Variants in SAXO5 observed in about 807,000 individuals in gnomAD.
The protein encoded by SAXO5 is stabilizer of axonemal microtubules 5.
At chr19:7,504,456 C>T in the SAXO5 span, 3 of 1,520,396 alleles carry the variant, frequency 2.0e-6, no homozygotes, top group Non-Finnish European at 1.8e-6. Context: ...GCCTGTAATC[C>T]CAGCACTTTG....
chr19:7,508,235 G>T, the SAXO5 span: 1 of 1,614,012 alleles, frequency 6.2e-7, no homozygotes, highest in South Asian at 1.1e-5. Flanking sequence ...AGCCCCCTCT[G>T]GGTGGACTGC....
the SAXO5 span, chr19:7,506,269 CACG>C: frequency 2.0e-6 from 2 of 1,024,422 alleles, no homozygotes; most frequent in Non-Finnish European, 2.9e-6. Flanking sequence ...GCCCCGCCCC[CACG>C]GAGCCCCGTC....
the SAXO5 span, chr19:7,505,281 C>A: frequency 6.3e-7 from 1 of 1,592,464 alleles, no homozygotes; most frequent in African/African-American, 1.3e-5. Flanking sequence ...CCATGCCCAG[C>A]CCACTTTACC....
chr19:7,501,282 C>A, the SAXO5 span: 3 of 1,573,926 alleles, frequency 1.9e-6, no homozygotes, highest in Non-Finnish European at 2.6e-6. Context: ...CATCTTCGAC[C>A]GCGACTCCCT....
At chr19:7,500,302 G>T in the SAXO5 span, among the ~76,000 whole-genome samples, 9 of 151,214 alleles carry the variant, frequency 6.0e-5, no homozygotes, top group East Asian at 1.2e-3. Context: ...CCACATGAAA[G>T]ATTTTTTTTT....
the SAXO5 span, chr19:7,506,877 T>A: frequency 2.1e-6 from 1 of 466,532 alleles, no homozygotes; most frequent in Non-Finnish European, 4.0e-6. Flanking sequence ...CCCCTTCCTC[T>A]GGCTTCTCCC....
the SAXO5 span, among the ~76,000 whole-genome samples, chr19:7,500,119 A>AT: frequency 2.0e-5 from 3 of 151,904 alleles, no homozygotes; most frequent in Non-Finnish European, 4.4e-5. Flanking sequence ...TTGTTGTTAT[A>AT]TTTTTTATTA....
chr19:7,504,079 A>ACTCTCTCTCT, the SAXO5 span: 1 of 830,430 alleles, frequency 1.2e-6, no homozygotes, highest in Non-Finnish European at 1.7e-6. Flanking sequence ...AGGGAATCTC[A>ACTCTCTCTCT]ATCTCTCTCT....
the SAXO5 span, chr19:7,506,023 T>A: frequency 6.2e-7 from 1 of 1,612,262 alleles, no homozygotes; most frequent in Non-Finnish European, 8.5e-7. Flanking sequence ...TGCAGAGTCA[T>A]GTGACCCTAG....
the SAXO5 span, chr19:7,500,716 CA>C: frequency 1.8e-6 from 2 of 1,107,972 alleles, no homozygotes; most frequent in South Asian, 3.7e-5. Context: ...AGAAAGGAGT[CA>C]AAGGCAGCAG....
At chr19:7,508,259 A>G in the SAXO5 span, 1 of 1,614,028 alleles carries the variant, frequency 6.2e-7, no homozygotes, top group Non-Finnish European at 8.5e-7. Context: ...TCTTCTCAAC[A>G]CAATACAAGG....
At chr19:7,498,170 T>TACAC in the SAXO5 span, among the ~76,000 whole-genome samples, 7,025 of 142,458 alleles carry the variant, frequency 0.049, 251 homozygotes, top group African/African-American at 0.099. Context: ...CACACACACA[T>TACAC]ACACACACAC....
the SAXO5 span, among the ~76,000 whole-genome samples, chr19:7,502,447 C>T: frequency 3.3e-5 from 5 of 152,176 alleles, no homozygotes; most frequent in African/African-American, 9.7e-5. Flanking sequence ...GGCAGAGGTG[C>T]TACCAGCAGA....
chr19:7,501,354 C>A, the SAXO5 span: 7 of 1,534,760 alleles, frequency 4.6e-6, no homozygotes, highest in South Asian at 6.1e-5. Context: ...GCTCTTTCCA[C>A]CCCACGACGC....
At chr19:7,505,225 C>A in the SAXO5 span, 1 of 1,135,424 alleles carries the variant, frequency 8.8e-7, no homozygotes, top group Non-Finnish European at 1.3e-6. Flanking sequence ...TCAGGTGATC[C>A]ACCCACCTCA....
chr19:7,501,514 C>A, the SAXO5 span: 1 of 1,240,590 alleles, frequency 8.1e-7, no homozygotes, highest in Non-Finnish European at 1.0e-6. Flanking sequence ...TCTGGAAACG[C>A]TTTTGGTGGT....
At chr19:7,501,542 C>G in the SAXO5 span, 2 of 1,020,994 alleles carry the variant, frequency 2.0e-6, no homozygotes, top group Admixed American at 4.1e-5. Flanking sequence ...TGGGGGGTGG[C>G]CGGGCGCGGT....
the SAXO5 span, chr19:7,504,332 G>C: frequency 6.2e-7 from 1 of 1,614,200 alleles, no homozygotes; most frequent in South Asian, 1.1e-5. Context: ...AGTGGAGCTG[G>C]GAGACTGCAA....
At chr19:7,507,530 A>G in the SAXO5 span, among the ~76,000 whole-genome samples, 2 of 152,074 alleles carry the variant, frequency 1.3e-5, no homozygotes, top group African/African-American at 4.8e-5. Flanking sequence ...CAGTGAGCCA[A>G]GATCGCACCA....
Sources: allele counts gnomAD v4.1 joint callset (sites outside exome capture counted in the v4.1 genomes callset), GRCh38; gene constraint gnomAD v4.1.1; transcripts MANE v1.5; gene names NCBI Gene and HGNC (gene_info 2026-07-23, HGNC 2026-07-21).